Variants in KLHL1 observed in about 807,000 individuals in gnomAD.
The protein encoded by KLHL1 is kelch like family member 1, also known as kelch-like protein 1.
Under a neutral mutation model 77.7 loss-of-function variants are expected in KLHL1, and 47 were observed. The ratio of observed to expected loss-of-function variants is 0.60; its 90% confidence interval spans 0.48 to 0.77. The LOEUF (loss-of-function observed/expected upper bound fraction) is 0.77, where lower values mean the gene tolerates loss of function less well. Among genes scored for constraint, KLHL1 ranks in the 30% least tolerant of loss-of-function variants. The probability of loss-of-function intolerance (pLI) is 0.00; values close to 1 mark genes in which losing one functional copy is unlikely to be tolerated. For missense variants in KLHL1, 925 were observed against 910.8 expected, an observed-to-expected ratio of 1.02 and a Z score of -0.20; for synonymous variants, 360 against 325.2, an observed-to-expected ratio of 1.11 and a Z score of -1.15.
chr13:69,784,515 A>G (rs1876407264), intron 7 of KLHL1, among the ~76,000 whole-genome samples: 2 of 152,098 alleles, frequency 1.3e-5, no homozygotes, highest in Non-Finnish European at 2.9e-5. Context: ...GGAAAACAAA[A>G]AAAGGCAGGG....
At chr13:69,819,896 T>G (rs2138076138) in intron 6 of KLHL1, among the ~76,000 whole-genome samples, 1 of 152,358 alleles carries the variant, frequency 6.6e-6, no homozygotes, top group Non-Finnish European at 1.5e-5. Flanking sequence ...TTACTCTTGC[T>G]TTAGAATGAA....
Position 70,107,235 on chromosome 13 carries a change from A to G in KLHL1, c.465T>C (p.Ser155=). 6.2e-7 allele frequency: 1 copy of G among 1,613,424 alleles called. No individual in the cohort carries two copies. The highest frequency in any genetic ancestry group is 8.5e-7 in the Non-Finnish European group (1 of 1,179,592). ...LQELKVEPDN[S]SQATGEGCGH... ...CACATCCTTCACCTGTTGCCTGGCT[A>G]GAGTTGTCTGGCTCCACTTTGAGCT... Residue 155 remains serine (S), a synonymous_variant, in exon 1 of 11, where the codon TCT becomes TCC. Coordinates refer to ENST00000377844, the MANE Select transcript of KLHL1 (RefSeq NM_020866.3).
intron 8 of KLHL1, among the ~76,000 whole-genome samples, chr13:69,719,869 AATATTAGT>A (rs1872961972): frequency 6.6e-6 from 1 of 152,024 alleles, no homozygotes; most frequent in Admixed American, 6.6e-5. Context: ...AAAAATAAGT[AATATTAGT>A]ATATTAGTTT....
At chr13:69,894,373 G>A (rs1881552202) in intron 4 of KLHL1, 1 of 157,098 alleles carries the variant, frequency 6.4e-6, no homozygotes, top group African/African-American at 2.4e-5. Flanking sequence ...GGTCTAATAA[G>A]CGCTAGCTCC....
At chr13:69,964,925 T>A (rs1238755952) in intron 2 of KLHL1, among the ~76,000 whole-genome samples, 1 of 152,102 alleles carries the variant, frequency 6.6e-6, no homozygotes, top group Non-Finnish European at 1.5e-5. Context: ...CTGTCTACAG[T>A]AAAATTTGAT....
chr13:69,970,694 G>A (rs930243048), intron 2 of KLHL1, among the ~76,000 whole-genome samples: 3 of 152,050 alleles, frequency 2.0e-5, no homozygotes, highest in Non-Finnish European at 4.4e-5. Flanking sequence ...TCCTTGCTTC[G>A]GGGTGTGACT....
chr13:70,001,844 T>A (rs960441829), intron 1 of KLHL1, among the ~76,000 whole-genome samples: 2 of 151,584 alleles, frequency 1.3e-5, no homozygotes, highest in African/African-American at 4.8e-5. Context: ...ACATTTTCTA[T>A]CAGAAACTAG....
chr13:69,973,084 T>A (rs867621820), intron 2 of KLHL1, among the ~76,000 whole-genome samples: 16 of 151,978 alleles, frequency 1.1e-4, no homozygotes, highest in African/African-American at 3.9e-4. Context: ...TGATTATTTT[T>A]CATGCAGAAA....
At chr13:69,985,911 T>G (rs1884855594) in intron 1 of KLHL1, among the ~76,000 whole-genome samples, 1 of 109,068 alleles carries the variant, frequency 9.2e-6, no homozygotes, top group African/African-American at 7.4e-5. Context: ...ATATGTAAGT[T>G]ATATATATAT....
At position 69,927,776 on chromosome 13, in the gene KLHL1, C is replaced by T. The variant is rs1882865905; in HGVS notation, c.1014+12264G>A. On this transcript the variant is annotated intron_variant, in intron 4 of 10. Coordinates refer to ENST00000377844, the MANE Select transcript of KLHL1 (RefSeq NM_020866.3). ...AATTATTGGCAAGTATGTAGTTCTT[C>T]ACATACTGTTGAATGGATTATGAAA... Among the ~76,000 whole-genome samples the T allele has an allele frequency of 2.0e-5, 3 of 152,268 alleles. No individual in the cohort carries two copies. The South Asian group carries it at 6.2e-4, about 32-fold the overall frequency.
chr13:69,882,330 G>T lies in KLHL1; in HGVS notation c.1180C>A (p.Leu394Met). Residue 394 changes from leucine (L) to methionine (M), a missense_variant, in exon 5 of 11, where the codon CTG becomes ATG. Leu to Met is a conservative substitution (Grantham distance 15). Transcript: ENST00000377844. Reference sequence around the variant, plus strand: ...CTTATAAAGGCAAGAAGCATGCTCAGGTCATTGCATCTACTCTGCATGTCA... The same window carrying T: ...CTTATAAAGGCAAGAAGCATGCTCATGTCATTGCATCTACTCTGCATGTCA... ...KYDMQSRCND[L>M]SMLLAFIRLP... 1 of 1,613,938 alleles carries T rather than the reference G, an allele frequency of 6.2e-7. No individual in the cohort carries two copies.
chr13:70,014,446 A>G (rs947791562), intron 1 of KLHL1, among the ~76,000 whole-genome samples: 3 of 152,128 alleles, frequency 2.0e-5, no homozygotes, highest in African/African-American at 4.8e-5. Flanking sequence ...TGCAGTCCAT[A>G]ATAAGTATTC....
intron 6 of KLHL1, among the ~76,000 whole-genome samples, chr13:69,837,614 C>CTATATATA (rs1555272466): frequency 1.5e-5 from 2 of 136,548 alleles, no homozygotes; most frequent in African/African-American, 6.1e-5. Context: ...ATCTCTCTCT[C>CTATATATA]TATATATATG....
Position 69,701,577 on chromosome 13 carries a change from T to C in KLHL1, c.*125A>G, listed in dbSNP as rs750101317. 3.0e-6 allele frequency: 2 copies of C among 666,056 alleles called. No individual in the cohort carries two copies. The highest frequency in any genetic ancestry group is 6.0e-5 in the Admixed American group (2 of 33,274). The allele number at this position is 666,056 out of a possible 1,614,324, so 41.3% of individuals were successfully genotyped here. ...GATCTACTAACTCTTTCAACATCAG[T>C]AGGTAACGCTACAGAGATCCTTGTT... On this transcript the variant is annotated 3_prime_UTR_variant, in exon 11 of 11. Coordinates refer to ENST00000377844, the MANE Select transcript of KLHL1 (RefSeq NM_020866.3).
chr13:70,062,811 C>T (rs1886922882), intron 1 of KLHL1, among the ~76,000 whole-genome samples: 1 of 151,748 alleles, frequency 6.6e-6, no homozygotes, highest in East Asian at 1.9e-4. Context: ...GTTCGTTTAA[C>T]AAAATTATAT....
At chr13:70,020,136 G>C (rs941996645) in intron 1 of KLHL1, among the ~76,000 whole-genome samples, 1 of 152,000 alleles carries the variant, frequency 6.6e-6, no homozygotes, top group Non-Finnish European at 1.5e-5. Flanking sequence ...CTCAGTTTCA[G>C]GTTTTCTGTT....
intron 1 of KLHL1, among the ~76,000 whole-genome samples, chr13:70,032,749 G>A (rs926583836): frequency 1.3e-5 from 2 of 152,078 alleles, no homozygotes; most frequent in South Asian, 2.1e-4. Context: ...GCATGCAAAA[G>A]TTATTTATCT....
At chr13:69,971,297 TATCATCATC>T (rs577770091) in intron 2 of KLHL1, among the ~76,000 whole-genome samples, 2 of 151,766 alleles carry the variant, frequency 1.3e-5, no homozygotes, top group Admixed American at 6.6e-5. Flanking sequence ...GAGTGTTAAC[TATCATCATC>T]ATCATCATCA....
At chr13:70,070,012 C>CA (rs1482541176) in intron 1 of KLHL1, among the ~76,000 whole-genome samples, 6 of 151,644 alleles carry the variant, frequency 4.0e-5, no homozygotes, top group Admixed American at 3.9e-4. Flanking sequence ...ACTAAAAACA[C>CA]AAAAAATTAG....
Sources: gnomAD v4.1 joint callset for allele counts (sites outside exome capture counted in the v4.1 genomes callset) on GRCh38, gnomAD v4.1.1 for gene constraint, MANE v1.5 for transcripts, NCBI Gene and HGNC (gene_info 2026-07-23, HGNC 2026-07-21) for gene names.